SCN10A: variants seen among roughly 807,000 people sequenced by gnomAD.
SCN10A encodes sodium voltage-gated channel alpha subunit 10.
A neutral mutation model predicts 170.7 loss-of-function variants in SCN10A; 162 were observed. The observed-to-expected ratio is 0.95, with a 90% CI of 0.84 to 1.08. SCN10A has a LOEUF of 1.08. SCN10A is among the 50% of genes least tolerant of loss of function. The pLI is 0.00. For synonymous variants in SCN10A, 985 were observed against 904.6 expected (o/e 1.09, Z -1.59); for missense variants, 2,527 against 2,436.9 (o/e 1.04, Z -0.78).
chr3:38,718,089 A>C (rs1346261216), intron 21 of SCN10A, among the ~76,000 whole-genome samples: 1 of 152,218 alleles, frequency 6.6e-6, no homozygotes, highest in East Asian at 1.9e-4. Context: ...GTATAAGCTC[A>C]GTGGTTCTAA....
In SCN10A at chr3:38,707,281, G is replaced by A. The variant is rs2063220357; in HGVS notation, c.4384C>T (p.Leu1462=). The A allele has an allele frequency of 1.2e-6, 2 of 1,613,738 alleles. No homozygotes were observed. The highest frequency in any genetic ancestry group is 1.7e-6 in the Non-Finnish European group (2 of 1,179,976). The change falls in exon 26 of 28, where the codon CTG becomes TTG. Residue 1462 remains leucine, a splice_region_variant and synonymous_variant. Transcript: ENST00000449082. ...KKPQKPIPRP[L]NKFQGFVFDI... ...TAGAGGAAACCTCTGGGGCTCACCA[G>A]GGGCCGTGGGATGGGCTTCTGGGGC...
At chr3:38,772,743 A>AAAC (rs1559457369) in intron 4 of SCN10A, among the ~76,000 whole-genome samples, 1 of 149,868 alleles carries the variant, frequency 6.7e-6, no homozygotes, top group Non-Finnish European at 1.5e-5. Flanking sequence ...AAACAAAAAA[A>AAAC]AAAAAACCTG....
chr3:38,806,485 A>T (rs1347362933), intron 1 of SCN10A, among the ~76,000 whole-genome samples: 1 of 152,160 alleles, frequency 6.6e-6, no homozygotes, highest in Non-Finnish European at 1.5e-5. Flanking sequence ...AACCAGAGAG[A>T]TAGTGTGGTT....
intron 15 of SCN10A, among the ~76,000 whole-genome samples, chr3:38,738,374 C>G (rs1325396021): frequency 6.6e-6 from 1 of 152,182 alleles, no homozygotes; most frequent in Non-Finnish European, 1.5e-5. Context: ...ATGGCTGGCT[C>G]TATGTCACTG....
chr3:38,753,704 T>C (rs1353281867), intron 11 of SCN10A, among the ~76,000 whole-genome samples: 1 of 152,304 alleles, frequency 6.6e-6, no homozygotes, highest in African/African-American at 2.4e-5. Flanking sequence ...AATACTACAT[T>C]ATTTGCACTT....
At chr3:38,800,658 G>A (rs1231889292) in intron 1 of SCN10A, among the ~76,000 whole-genome samples, 1 of 151,960 alleles carries the variant, frequency 6.6e-6, no homozygotes, top group Non-Finnish European at 1.5e-5. Flanking sequence ...GGTTTTTTTG[G>A]GGCAGTCCTT....
rs113307245 is a variant in SCN10A at position 38,739,133 on chromosome 3, G to C, written c.2280+382C>G. 2.1e-3 allele frequency among the ~76,000 whole-genome samples: 325 copies of C among 152,274 alleles called. 1 individual carries two copies. Among genetic ancestry groups the C allele is most frequent in the Admixed American group, 3.5e-3 (53 of 15,294 alleles). On this transcript the variant is annotated intron_variant, in intron 15 of 27. Transcript: ENST00000449082. ...GATCTTAAAAACGACTATCTCTCAG[G>C]GTTGTTGTGAGCATAAAATGAGGTG...
chr3:38,712,970 G>T (rs761502544), intron 22 of SCN10A, among the ~76,000 whole-genome samples: 3 of 152,186 alleles, frequency 2.0e-5, no homozygotes, highest in Non-Finnish European at 4.4e-5. Context: ...TGTTTGTAAA[G>T]GTACAAGTTA....
chr3:38,794,148 A>G, intron 1 of SCN10A, 106 bp from the exon 2 acceptor site: 1 of 768,982 alleles, frequency 1.3e-6, no homozygotes, highest in Non-Finnish European at 2.1e-6. Context: ...TCCCACCCTC[A>G]TATCTGGCCC....
At chr3:38,795,341 C>CT (rs201748424) in intron 1 of SCN10A, among the ~76,000 whole-genome samples, 31,240 of 126,974 alleles carry the variant, frequency 0.25, 4,506 homozygotes, top group South Asian at 0.3. Context: ...TTTTCTTTTT[C>CT]TTTTTCTTTT....
chr3:38,793,998 T>A lies in SCN10A; in HGVS notation c.13A>T (p.Ile5Phe), dbSNP rs1156489183. The stretch of plus-strand genomic sequence containing the variant: ...AAGTTGTTAGTTTCGAGGGATCCAA[T>A]GGGGAATTCCATCTTCTCATTCTTC... MEFPIGSLETNNFRR... is the reference protein window; with the variant it reads MEFPFGSLETNNFRR... Residue 5 changes from isoleucine (I) to phenylalanine (F), a missense_variant, in exon 2 of 28, where the codon ATT becomes TTT. By Grantham distance (21) the Ile-to-Phe change is conservative. Coordinates refer to ENST00000449082, the MANE Select transcript of SCN10A (RefSeq NM_006514.4). 2 of 1,613,784 alleles carry A rather than the reference T, an allele frequency of 1.2e-6. No homozygotes were observed. The highest frequency in any genetic ancestry group is 8.5e-7 in the Non-Finnish European group (1 of 1,179,770).
At chr3:38,701,153 A>G (rs1464161679) in intron 27 of SCN10A, among the ~76,000 whole-genome samples, 1 of 152,210 alleles carries the variant, frequency 6.6e-6, no homozygotes, top group African/African-American at 2.4e-5. Context: ...GGAAGTATTC[A>G]GTCAAGGCAG....
Position 38,697,853 on chromosome 3 carries a change from G to T in SCN10A, c.5367C>A (p.Asp1789Glu). 6.2e-7 allele frequency: 1 copy of T among 1,614,156 alleles called. No individual in the cohort carries two copies. The highest frequency in any genetic ancestry group is 1.7e-5 in the Admixed American group (1 of 60,022). Residue 1789 changes from aspartate (D) to glutamate (E), a missense_variant, in exon 28 of 28, where the codon GAC becomes GAA. By Grantham distance (45) the Asp-to-Glu change is conservative (BLOSUM62 2). Transcript: ENST00000449082. Reference protein sequence around the residue: ...KPNRNILIQMDLPLVPGDKIH... With the variant: ...KPNRNILIQMELPLVPGDKIH... ...TCTTATCTCCAGGGACCAAAGGCAGGTCCATCTGGATCAGTATATTTCGAT... is the reference window on the plus strand; with the variant it reads ...TCTTATCTCCAGGGACCAAAGGCAGTTCCATCTGGATCAGTATATTTCGAT...
At chr3:38,781,609 G>A (rs2064140271) in intron 4 of SCN10A, among the ~76,000 whole-genome samples, 1 of 152,050 alleles carries the variant, frequency 6.6e-6, no homozygotes, top group Non-Finnish European at 1.5e-5. Flanking sequence ...CATAACCAGC[G>A]GGATGCAGAA....
chr3:38,742,680 T>C, intron 13 of SCN10A, 151 bp from the exon 14 acceptor site: 1 of 685,894 alleles, frequency 1.5e-6, no homozygotes, highest in Non-Finnish European at 2.6e-6. Flanking sequence ...ATTCATTTCC[T>C]ATATTTTGAA....
At chr3:38,726,584 G>T in intron 17 of SCN10A, 22 bp downstream of exon 17, 1 of 1,544,016 alleles carries the variant, frequency 6.5e-7, no homozygotes, top group Non-Finnish European at 8.8e-7. Context: ...GCCTGTGGCT[G>T]TCCCTTGGGG....
At chr3:38,797,229 A>G (rs2126063345) in intron 1 of SCN10A, among the ~76,000 whole-genome samples, 1 of 152,186 alleles carries the variant, frequency 6.6e-6, no homozygotes, top group East Asian at 1.9e-4. Context: ...TACCTCTGTG[A>G]TATAGACACT....
chr3:38,741,289 AACACACACACAC>A lies in SCN10A; in HGVS notation c.2106+990_2106+1001del, dbSNP rs60874265. 9.5e-5 allele frequency among the ~76,000 whole-genome samples: 14 copies of A among 146,774 alleles called. No homozygotes were observed. The East Asian group carries it at 1.0e-3, about 11-fold the overall frequency. On this transcript the variant is annotated intron_variant, in intron 14 of 27. Transcript: ENST00000449082. ...TGCCTATCATGTGTGCGTGTGTTTG[AACACACACACAC>A]ACACACACACACACACACACACGCA...
intron 26 of SCN10A, among the ~76,000 whole-genome samples, chr3:38,707,041 C>T (rs1403959484): frequency 1.3e-5 from 2 of 152,190 alleles, no homozygotes; most frequent in Middle Eastern, 3.2e-3. Flanking sequence ...CTCAGTGCTT[C>T]CCCCAACAGA....
Sources: gnomAD v4.1 joint callset for allele counts (sites outside exome capture counted in the v4.1 genomes callset) on GRCh38, gnomAD v4.1.1 for gene constraint, MANE v1.5 for transcripts, NCBI Gene and HGNC (gene_info 2026-07-23, HGNC 2026-07-21) for gene names.